Variants in SLC25A21 observed in about 807,000 individuals in gnomAD.
SLC25A21 encodes the protein mitochondrial 2-oxodicarboxylate carrier.
In SLC25A21, 47 loss-of-function variants were observed where a neutral mutation model predicts 43.8. The ratio of observed to expected loss-of-function variants is 1.07; its 90% CI spans 0.85 to 1.37. The LOEUF (loss-of-function observed/expected upper bound fraction) is 1.37, where lower values mean the gene tolerates loss of function less well. Ranked by LOEUF, SLC25A21 falls within the 40% of genes most tolerant of loss-of-function variation. The pLI is 0.00. For synonymous variants in SLC25A21, 131 were observed against 121.3 expected, an observed-to-expected ratio of 1.08 and a Z score of -0.52; for missense variants, 352 against 350.2, an observed-to-expected ratio of 1.00 and a Z score of -0.04.
intron 1 of SLC25A21, among the ~76,000 whole-genome samples, chr14:37,109,029 G>T (rs1962970694): frequency 1.3e-5 from 2 of 151,988 alleles, no homozygotes; most frequent in African/African-American, 4.8e-5. Context: ...AATAAGGCAA[G>T]AAAACTAAAT....
chr14:36,904,164 C>A (rs755471291), intron 1 of SLC25A21, among the ~76,000 whole-genome samples: 7 of 152,120 alleles, frequency 4.6e-5, no homozygotes, highest in African/African-American at 1.4e-4. Flanking sequence ...TTGAGGGGGA[C>A]GCTATAGGCT....
intron 3 of SLC25A21, among the ~76,000 whole-genome samples, chr14:36,794,543 G>A (rs999248156): frequency 2.6e-5 from 4 of 152,226 alleles, no homozygotes; most frequent in South Asian, 2.1e-4. Flanking sequence ...CAAGGTGGGC[G>A]GATCACCTGA....
At chr14:36,955,282 A>G (rs758027862) in intron 1 of SLC25A21, among the ~76,000 whole-genome samples, 4 of 152,248 alleles carry the variant, frequency 2.6e-5, no homozygotes, top group Non-Finnish European at 5.9e-5. Context: ...ATAACTAGGT[A>G]TAATGGCTGA....
At chr14:36,908,938 G>T (rs1891606817) in intron 1 of SLC25A21, among the ~76,000 whole-genome samples, 2 of 152,190 alleles carry the variant, frequency 1.3e-5, no homozygotes, top group African/African-American at 4.8e-5. Flanking sequence ...GAAAAGAATG[G>T]TATAGGTTTG....
At chr14:36,969,778 C>T (rs927538163) in intron 1 of SLC25A21, among the ~76,000 whole-genome samples, 6 of 151,880 alleles carry the variant, frequency 4.0e-5, no homozygotes, top group Non-Finnish European at 7.4e-5. Flanking sequence ...AGGCATGAGC[C>T]GCTGCACCCA....
At chr14:36,909,267 C>A (rs1323230521) in intron 1 of SLC25A21, among the ~76,000 whole-genome samples, 1 of 152,102 alleles carries the variant, frequency 6.6e-6, no homozygotes, top group Non-Finnish European at 1.5e-5. Context: ...AGAAGCCTTG[C>A]ACATACAATG....
chr14:37,068,770 A>G (rs1962112063), intron 1 of SLC25A21, among the ~76,000 whole-genome samples: 1 of 152,236 alleles, frequency 6.6e-6, no homozygotes, highest in Non-Finnish European at 1.5e-5. Flanking sequence ...AGGCATAAAG[A>G]TCATAAAGAA....
chr14:36,879,783 C>T (rs1890657128), intron 1 of SLC25A21, among the ~76,000 whole-genome samples: 1 of 151,800 alleles, frequency 6.6e-6, no homozygotes, highest in Middle Eastern at 3.4e-3. Context: ...ACCACCCCCA[C>T]CTTCCTCTGA....
intron 6 of SLC25A21, among the ~76,000 whole-genome samples, chr14:36,721,045 T>C (rs1469068633): frequency 1.3e-5 from 2 of 152,200 alleles, no homozygotes; most frequent in Admixed American, 1.3e-4. Context: ...ATTGGAGCAA[T>C]ATCTCAAAAT....
intron 1 of SLC25A21, among the ~76,000 whole-genome samples, chr14:37,058,393 T>G (rs548301349): frequency 6.6e-6 from 1 of 152,350 alleles, no homozygotes; most frequent in South Asian, 2.1e-4. Flanking sequence ...GGACATCTGG[T>G]GGCAATCTTT....
intron 1 of SLC25A21, among the ~76,000 whole-genome samples, chr14:37,147,844 C>CTTTTTTTTTTTTTTTTTTTTTTT: frequency 7.9e-6 from 1 of 126,252 alleles, no homozygotes; most frequent in Non-Finnish European, 1.6e-5. Flanking sequence ...TTTTTCTTTT[C>CTTTTTTTTTTTTTTTTTTTTTTT]TTTTTTTTTT....
intron 3 of SLC25A21, among the ~76,000 whole-genome samples, chr14:36,748,071 T>C (rs971410929): frequency 3.9e-5 from 6 of 152,238 alleles, no homozygotes; most frequent in Non-Finnish European, 7.3e-5. Context: ...TAAGCAACTT[T>C]CCTAGTAGTG....
At chr14:37,034,606 G>A (rs1471990900) in intron 1 of SLC25A21, among the ~76,000 whole-genome samples, 3 of 152,168 alleles carry the variant, frequency 2.0e-5, no homozygotes, top group African/African-American at 7.2e-5. Context: ...TACATGTGGA[G>A]GTCAGCGTGC....
At chr14:36,773,194 A>G (rs1594574619) in intron 3 of SLC25A21, among the ~76,000 whole-genome samples, 1 of 152,204 alleles carries the variant, frequency 6.6e-6, no homozygotes, top group East Asian at 1.9e-4. Context: ...AGGAAAAAAA[A>G]AAAATCAGCT....
At chr14:36,964,532 C>A (rs897468401) in intron 1 of SLC25A21, among the ~76,000 whole-genome samples, 1 of 152,174 alleles carries the variant, frequency 6.6e-6, no homozygotes, top group Admixed American at 6.5e-5. Flanking sequence ...GAAGCAGTTT[C>A]TTCAGTTATA....
At chr14:37,158,347 A>C (rs1176448953) in intron 1 of SLC25A21, among the ~76,000 whole-genome samples, 2 of 152,150 alleles carry the variant, frequency 1.3e-5, no homozygotes, top group Non-Finnish European at 2.9e-5. Flanking sequence ...ATACAAGCAA[A>C]CTGAAACCAG....
chr14:37,132,053 A>T (rs889402405), intron 1 of SLC25A21, among the ~76,000 whole-genome samples: 2 of 152,174 alleles, frequency 1.3e-5, no homozygotes, highest in South Asian at 2.1e-4. Context: ...AGATGCCAAC[A>T]TCTGTTGAAG....
chr14:37,135,220 G>T (rs756700943), intron 1 of SLC25A21, among the ~76,000 whole-genome samples: 3 of 151,866 alleles, frequency 2.0e-5, no homozygotes, highest in Non-Finnish European at 4.4e-5. Context: ...AAGCCACCAC[G>T]CCTGGGCCTC....
At chr14:36,778,191 T>C (rs558860287) in intron 3 of SLC25A21, among the ~76,000 whole-genome samples, 41 of 152,356 alleles carry the variant, frequency 2.7e-4, no homozygotes, top group Admixed American at 2.1e-3. Context: ...CTTGACCCTC[T>C]TCTCCAAGGC....
Sources: allele counts gnomAD v4.1 joint callset (sites outside exome capture counted in the v4.1 genomes callset), GRCh38; gene constraint gnomAD v4.1.1; transcripts MANE v1.5; gene names NCBI Gene and HGNC (gene_info 2026-07-23, HGNC 2026-07-21).